TTC21B: variants seen among roughly 807,000 people sequenced by gnomAD.
TTC21B encodes the protein tetratricopeptide repeat protein 21B.
In TTC21B, 127 loss-of-function variants were observed where a neutral mutation model predicts 175.1. That is an observed-to-expected ratio of 0.73 (90% CI 0.63 to 0.84). The LOEUF (loss-of-function observed/expected upper bound fraction) is 0.84, where lower values mean the gene tolerates loss of function less well. TTC21B is among the 40% of genes least tolerant of loss of function. The pLI is 0.00. For missense variants in TTC21B, 1,561 were observed against 1,558.3 expected (o/e 1.00, Z -0.03); for synonymous variants, 524 against 524.5 (o/e 1.00, Z 0.01).
At chr2:165,930,922 A>G (rs1686883241) in intron 8 of TTC21B, among the ~76,000 whole-genome samples, 1 of 152,074 alleles carries the variant, frequency 6.6e-6, no homozygotes, top group Non-Finnish European at 1.5e-5. Flanking sequence ...TGTTGTTAGA[A>G]TAAGTACATA....
chr2:165,890,372 T>A, intron 24 of TTC21B, 107 bp downstream of exon 24: 1 of 1,019,024 alleles, frequency 9.8e-7, no homozygotes, highest in Non-Finnish European at 1.5e-6. Flanking sequence ...TTTATTCATC[T>A]GACCTTTCAT....
chr2:165,927,961 T>C (rs1014385910), intron 11 of TTC21B, among the ~76,000 whole-genome samples: 5 of 152,192 alleles, frequency 3.3e-5, no homozygotes, highest in Non-Finnish European at 7.4e-5. Flanking sequence ...ATCCCTGTGC[T>C]GAATGTGAGC....
At chr2:165,898,124 T>G (rs1189696166) in intron 22 of TTC21B, among the ~76,000 whole-genome samples, 1 of 152,178 alleles carries the variant, frequency 6.6e-6, no homozygotes, top group Non-Finnish European at 1.5e-5. Flanking sequence ...TTTTATTGAC[T>G]GATTTATTTA....
intron 22 of TTC21B, among the ~76,000 whole-genome samples, chr2:165,892,678 T>C (rs889032600): frequency 2.6e-5 from 4 of 152,016 alleles, no homozygotes; most frequent in African/African-American, 9.7e-5. Flanking sequence ...TTCATCAACA[T>C]AGAAAGTAGA....
intron 25 of TTC21B, among the ~76,000 whole-genome samples, chr2:165,885,175 A>G (rs1313695413): frequency 6.6e-6 from 1 of 152,134 alleles, no homozygotes; most frequent in African/African-American, 2.4e-5. Flanking sequence ...ACAAAGGGTA[A>G]GAAATTGTGA....
At position 165,911,309 on chromosome 2, in the gene TTC21B, C is replaced by A; in HGVS notation, c.2461+18G>T. The A allele has an allele frequency of 5.6e-6, 9 of 1,613,406 alleles. No homozygotes were observed. Among genetic ancestry groups the A allele is most frequent in the Non-Finnish European group, 7.6e-6 (9 of 1,179,720 alleles). On this transcript the variant is annotated intron_variant, in intron 18 of 28. Coordinates refer to ENST00000243344, the MANE Select transcript of TTC21B (RefSeq NM_024753.5). ...TCAGAGTTATCAGACTTTTTTCAAA[C>A]CAGAAAGACTTTCATACCAGGTTCA...
In TTC21B at chr2:165,943,339, TC is replaced by T; in HGVS notation, c.431del (p.Gly144AspfsTer4). 1 of 1,604,728 alleles carries T rather than the reference TC, an allele frequency of 6.2e-7. No homozygotes were observed. ...TATCAAGCCATGCTTTCAAAACGTG[TC>T]CCTGTAAAATGAATAATTCTATTTT... ...MIKISDGSKQ[G>X]HVLKAWLDIT... On this transcript the variant is annotated frameshift_variant and splice_region_variant, in exon 5 of 29. Coordinates refer to ENST00000243344, the MANE Select transcript of TTC21B (RefSeq NM_024753.5). LOFTEE classifies it high-confidence loss of function.
chr2:165,929,318 A>T lies in TTC21B; in HGVS notation c.1203T>A (p.His401Gln). 1 of 1,607,126 alleles carries T rather than the reference A, an allele frequency of 6.2e-7. No individual in the cohort carries two copies. Among genetic ancestry groups the T allele is most frequent in the Middle Eastern group, 1.8e-4 (1 of 5,620 alleles). The change falls in exon 11 of 29, where the codon CAT (histidine) becomes CAA (glutamine). Residue 401 changes from histidine (H) to glutamine (Q), a missense_variant. His to Gln is a conservative substitution (Grantham distance 24). Coordinates refer to ENST00000243344, the MANE Select transcript of TTC21B (RefSeq NM_024753.5). ...TATTTTTCTTCATGGCAAGAACTGC[A>T]TGTAAATAGATTAATTCCTAGAAAA... Reference protein sequence around the residue: ...IGKSAELIYLHAVLAMKKNKR... With the variant: ...IGKSAELIYLQAVLAMKKNKR...
chr2:165,931,951 T>C (rs1686926628), intron 7 of TTC21B, 95 bp from the exon 8 acceptor site: 1 of 816,206 alleles, frequency 1.2e-6, no homozygotes, highest in East Asian at 2.7e-5. Context: ...ACCCTACTAG[T>C]ATTTTAAAAG....
chr2:165,928,945 C>A, intron 11 of TTC21B, 190 bp downstream of exon 11: 1 of 589,934 alleles, frequency 1.7e-6, no homozygotes, highest in Admixed American at 3.0e-5. Flanking sequence ...ATTTGCAAAC[C>A]AATACTTTCA....
intron 19 of TTC21B, among the ~76,000 whole-genome samples, chr2:165,902,449 T>C (rs1318977371): frequency 6.6e-6 from 1 of 152,204 alleles, no homozygotes; most frequent in Non-Finnish European, 1.5e-5. Flanking sequence ...TATATTATGC[T>C]ACACACAAGG....
intron 19 of TTC21B, 21 bp downstream of exon 19, chr2:165,907,657 C>G (rs747751207): frequency 1.0e-5 from 16 of 1,528,818 alleles, no homozygotes; most frequent in Non-Finnish European, 8.1e-6. Context: ...CATGACCACA[C>G]TCACAGACAA....
At chr2:165,901,956 T>A in intron 19 of TTC21B, 46 bp from the exon 20 acceptor site, 9 of 1,464,946 alleles carry the variant, frequency 6.1e-6, no homozygotes, top group Non-Finnish European at 8.6e-6. Flanking sequence ...AAAAGGAAAT[T>A]AAATTCTCCG....
chr2:165,883,941 C>G lies in TTC21B; in HGVS notation c.3537G>C (p.Gln1179His). 1 of 1,614,130 alleles carries G rather than the reference C, an allele frequency of 6.2e-7. No homozygotes were observed. The highest frequency in any genetic ancestry group is 8.5e-7 in the Non-Finnish European group (1 of 1,180,006). Residue 1179 changes from glutamine (Q) to histidine (H), a missense_variant, in exon 26 of 29, where the codon CAG becomes CAC. Transcript: ENST00000243344. ...ILKQTPRARN[Q>H]LKRIAKMNWN... ...AATTCATTTTCGCAATACGCTTCAG[C>G]TGGTTTCTGGCTCGTGGAGTCTGTT...
chr2:165,914,013 C>T (rs1559055465), intron 15 of TTC21B, among the ~76,000 whole-genome samples: 1 of 152,150 alleles, frequency 6.6e-6, no homozygotes, highest in Non-Finnish European at 1.5e-5. Flanking sequence ...TACTGTCCTC[C>T]TATGCATCTT....
chr2:165,892,449 T>C (rs1357816696), intron 22 of TTC21B, among the ~76,000 whole-genome samples: 4 of 152,084 alleles, frequency 2.6e-5, no homozygotes, highest in African/African-American at 9.7e-5. Flanking sequence ...ACAGAAAAAG[T>C]GGAAAGAGCC....
Position 165,949,708 on chromosome 2 carries a change from T to C in TTC21B, c.38A>G (p.Tyr13Cys), listed in dbSNP as rs184586093. ...SQELKTLINY[Y>C]CQERYFHHVL... Reference sequence around the variant, plus strand: ...ATGATGGAAATATCTCTCTTGACAATAGTAATTAATCAAAGTCTAAATGGA... The same window carrying C: ...ATGATGGAAATATCTCTCTTGACAACAGTAATTAATCAAAGTCTAAATGGA... The change falls in exon 2 of 29, where the codon TAT becomes TGT. Residue 13 changes from tyrosine (Y) to cysteine (C), a missense_variant. Tyr to Cys is a radical substitution (Grantham distance 194). Coordinates refer to ENST00000243344, the MANE Select transcript of TTC21B (RefSeq NM_024753.5). 5.3e-5 allele frequency: 85 copies of C among 1,611,448 alleles called. 1 individual carries two copies. Among genetic ancestry groups the C allele is most frequent in the Middle Eastern group, 3.3e-4 (2 of 6,056 alleles).
intron 19 of TTC21B, among the ~76,000 whole-genome samples, chr2:165,904,144 G>A (rs1342424684): frequency 7.4e-6 from 1 of 135,602 alleles, no homozygotes; most frequent in Non-Finnish European, 1.6e-5. Flanking sequence ...AGTGAACTAA[G>A]CTAAATTTAT....
chr2:165,911,816 C>A (rs546225738), intron 17 of TTC21B, among the ~76,000 whole-genome samples: 1 of 152,022 alleles, frequency 6.6e-6, no homozygotes, highest in Admixed American at 6.6e-5. Context: ...GAGCCCACCA[C>A]CATGCCCAGC....
Sources: gnomAD v4.1 joint callset for allele counts (sites outside exome capture counted in the v4.1 genomes callset) on GRCh38, gnomAD v4.1.1 for gene constraint, MANE v1.5 for transcripts, NCBI Gene and HGNC (gene_info 2026-07-23, HGNC 2026-07-21) for gene names.